Variants in CHRM3 observed in about 807,000 individuals in gnomAD.
CHRM3 encodes cholinergic receptor muscarinic 3, also known as muscarinic acetylcholine receptor M3.
CHRM3 carries 11 observed loss-of-function variants against 41.8 expected under a neutral mutation model. That is an observed-to-expected ratio of 0.26 (90% CI 0.17 to 0.44). The LOEUF is 0.44. CHRM3 is among the 20% of genes least tolerant of loss of function. The pLI, the probability that CHRM3 is intolerant of heterozygous loss-of-function variation, is 1.00. For synonymous variants in CHRM3, 297 were observed against 301.4 expected, an observed-to-expected ratio of 0.99 and a Z score of 0.15; for missense variants, 571 against 745.4, an observed-to-expected ratio of 0.77 and a Z score of 2.72.
intron 1 of CHRM3, among the ~76,000 whole-genome samples, chr1:239,469,981 G>A (rs1666005230): frequency 6.6e-6 from 1 of 152,108 alleles, no homozygotes; most frequent in Admixed American, 6.6e-5. Flanking sequence ...TTAAGTTTGT[G>A]TCACGTTCAC....
At chr1:239,528,359 A>G (rs1370773540) in intron 2 of CHRM3, among the ~76,000 whole-genome samples, 2 of 152,212 alleles carry the variant, frequency 1.3e-5, no homozygotes, top group African/African-American at 4.8e-5. Context: ...TTCTGACAAG[A>G]GGATAAATGC....
chr1:239,633,193 G>C (rs962505413), intron 4 of CHRM3, among the ~76,000 whole-genome samples: 2 of 152,102 alleles, frequency 1.3e-5, no homozygotes, highest in African/African-American at 4.8e-5. Flanking sequence ...GGATGGTCTC[G>C]ATCTCCTGAC....
At position 239,637,711 on chromosome 1, in the gene CHRM3, T is replaced by G. The variant is rs574486609; in HGVS notation, c.-250+5425T>G. ...TGCTCCTGTGAGCTTCACATTTTTC[T>G]TTTTTTTTTTTTTGGGGAATTTGTA... is the stretch of plus-strand genomic sequence containing the variant. On this transcript the variant is annotated intron_variant, in intron 4 of 6. Coordinates refer to ENST00000676153, the MANE Select transcript of CHRM3 (RefSeq NM_001375978.1). 8.7e-5 allele frequency among the ~76,000 whole-genome samples: 11 copies of G among 126,148 alleles called. No individual in the cohort carries two copies. The South Asian group carries it at 2.8e-3, about 32-fold the overall frequency. The allele number at this position is 126,148 out of a possible 152,430, so 82.8% of individuals were successfully genotyped here. A position where few individuals can be genotyped will look rare whatever the true frequency, so the allele number is the denominator to read the frequency against.
At chr1:239,645,104 G>C (rs549137954) in intron 4 of CHRM3, among the ~76,000 whole-genome samples, 1 of 152,112 alleles carries the variant, frequency 6.6e-6, no homozygotes, top group Non-Finnish European at 1.5e-5. Context: ...TGGCAGAGCC[G>C]CCCTCAGCCG....
intron 1 of CHRM3, among the ~76,000 whole-genome samples, chr1:239,406,215 T>C (rs1660585309): frequency 6.6e-6 from 1 of 152,178 alleles, no homozygotes; most frequent in South Asian, 2.1e-4. Flanking sequence ...GTCACATGTA[T>C]TTTGTAAATT....
At chr1:239,678,564 A>G (rs1658232443) in intron 5 of CHRM3, among the ~76,000 whole-genome samples, 1 of 152,210 alleles carries the variant, frequency 6.6e-6, no homozygotes, top group African/African-American at 2.4e-5. Flanking sequence ...GGTTCTGAAA[A>G]TAATAAGAAT....
At chr1:239,816,148 GC>G (rs1199853330) in intron 5 of CHRM3, among the ~76,000 whole-genome samples, 1 of 152,110 alleles carries the variant, frequency 6.6e-6, no homozygotes, top group Non-Finnish European at 1.5e-5. Flanking sequence ...CATCTAGGTG[GC>G]CTAGTAGCTG....
At chr1:239,816,011 T>C (rs1386025668) in intron 5 of CHRM3, among the ~76,000 whole-genome samples, 1 of 152,166 alleles carries the variant, frequency 6.6e-6, no homozygotes, top group Non-Finnish European at 1.5e-5. Flanking sequence ...CTTTTTTTTT[T>C]CTTTTGCTAA....
intron 3 of CHRM3, among the ~76,000 whole-genome samples, chr1:239,593,317 T>A (rs1664400618): frequency 6.6e-6 from 1 of 152,184 alleles, no homozygotes; most frequent in African/African-American, 2.4e-5. Flanking sequence ...TGTCAGCTTT[T>A]ATGGTGGTGT....
intron 1 of CHRM3, among the ~76,000 whole-genome samples, chr1:239,427,793 A>G (rs1419150523): frequency 6.6e-6 from 1 of 152,172 alleles, no homozygotes; most frequent in East Asian, 2.0e-4. Flanking sequence ...AGTGACACCC[A>G]AAAGGATTAG....
chr1:239,667,008 T>C (rs1673872480), intron 4 of CHRM3, among the ~76,000 whole-genome samples: 1 of 152,182 alleles, frequency 6.6e-6, no homozygotes, highest in African/African-American at 2.4e-5. Context: ...TTTGTTCTTT[T>C]TTATGGCTGC....
rs561025752 is a variant in CHRM3, at chr1:239,908,428, A to C, written c.977A>C (p.Gln326Pro). Residue 326 changes from glutamine to proline, a missense_variant, in exon 7 of 7, where the codon CAG becomes CCG. Gln to Pro is a moderately conservative substitution (Grantham distance 76, BLOSUM62 -1). This residue lies in a region of CHRM3 where 239 missense variants were observed against 239.6 expected (regional missense o/e 1.00). Transcript: ENST00000676153. The surrounding 1 kb of genome is among the most constrained non-coding windows in gnomAD (Gnocchi z 7.2). ...AAGAGCTGGAAACCCAGCTCCGAGC[A>C]GATGGACCAAGACCACAGCAGCAGT... ...TTKSWKPSSE[Q>P]MDQDHSSSDS... is the part of the protein sequence containing the mutation. 6.2e-7 allele frequency: 1 copy of C among 1,614,064 alleles called. No homozygotes were observed. Among genetic ancestry groups the C allele is most frequent in the South Asian group, 1.1e-5 (1 of 91,072 alleles).
chr1:239,665,164 GAA>G (rs56144752), intron 4 of CHRM3, among the ~76,000 whole-genome samples: 5,474 of 119,464 alleles, frequency 0.046, 151 homozygotes, highest in African/African-American at 0.075. Flanking sequence ...GTTTTTCTCT[GAA>G]AAAAAAAAAA....
At chr1:239,833,559 A>G (rs1414304644) in intron 6 of CHRM3, among the ~76,000 whole-genome samples, 1 of 152,182 alleles carries the variant, frequency 6.6e-6, no homozygotes, top group Admixed American at 6.5e-5. Context: ...ACCCAGGGGT[A>G]TTCATGGGAT....
At chr1:239,500,092 C>T (rs1572513300) in intron 2 of CHRM3, among the ~76,000 whole-genome samples, 1 of 148,294 alleles carries the variant, frequency 6.7e-6, no homozygotes, top group East Asian at 2.0e-4. Flanking sequence ...GAGATACATC[C>T]CATCAATACC....
intron 5 of CHRM3, among the ~76,000 whole-genome samples, chr1:239,689,060 C>T (rs1659456744): frequency 6.6e-6 from 1 of 151,060 alleles, no homozygotes; most frequent in South Asian, 2.1e-4. Flanking sequence ...TTAAAGATTG[C>T]TATTCAAAGA....
At chr1:239,659,515 A>G (rs1673005464) in intron 4 of CHRM3, among the ~76,000 whole-genome samples, 1 of 152,260 alleles carries the variant, frequency 6.6e-6, no homozygotes, top group Non-Finnish European at 1.5e-5. Flanking sequence ...CTGTACTAGT[A>G]AAAGCACAAG....
intron 5 of CHRM3, among the ~76,000 whole-genome samples, chr1:239,792,793 G>A (rs1368406767): frequency 1.3e-5 from 2 of 152,208 alleles, no homozygotes; most frequent in Non-Finnish European, 2.9e-5. Flanking sequence ...TGGACCCCAG[G>A]CTTGAGGTTT....
intron 3 of CHRM3, among the ~76,000 whole-genome samples, chr1:239,627,881 C>CTTT (rs1669180716): frequency 6.6e-6 from 1 of 151,038 alleles, no homozygotes; most frequent in African/African-American, 2.5e-5. Flanking sequence ...CGCTGTTAGT[C>CTTT]TGATGGGCTT....
Sources: gnomAD v4.1 joint callset for allele counts (sites outside exome capture counted in the v4.1 genomes callset) on GRCh38, gnomAD v4.1.1 for gene constraint, gnomAD v4.1.1 regional missense constraint, Gnocchi (gnomAD v3.1) non-coding constraint, MANE v1.5 for transcripts, NCBI Gene and HGNC (gene_info 2026-07-23, HGNC 2026-07-21) for gene names.